Variants in PITPNC1 observed in about 807,000 individuals in gnomAD.
PITPNC1 encodes the protein cytoplasmic phosphatidylinositol transfer protein 1.
In PITPNC1, 18 loss-of-function variants were observed where a neutral mutation model predicts 44.7. That is an observed-to-expected ratio of 0.40 (90% CI 0.28 to 0.60). The LOEUF (loss-of-function observed/expected upper bound fraction) is 0.60, where lower values mean the gene tolerates loss of function less well. Among genes scored for constraint, PITPNC1 ranks in the 20% least tolerant of loss-of-function variants. PITPNC1 has a pLI of 0.39. For synonymous variants in PITPNC1, 141 were observed against 149.6 expected, an observed-to-expected ratio of 0.94 and a Z score of 0.42; for missense variants, 290 against 418.4, an observed-to-expected ratio of 0.69 and a Z score of 2.68.
intron 4 of PITPNC1, among the ~76,000 whole-genome samples, chr17:67,574,286 T>C (rs1163690586): frequency 6.6e-6 from 1 of 152,248 alleles, no homozygotes; most frequent in Non-Finnish European, 1.5e-5. Context: ...TCAGTGCTTT[T>C]CATTATATTA....
At chr17:67,617,769 G>A (rs1165877065) in intron 5 of PITPNC1, among the ~76,000 whole-genome samples, 1 of 152,104 alleles carries the variant, frequency 6.6e-6, no homozygotes, top group Non-Finnish European at 1.5e-5. Flanking sequence ...ATCCCCCTGT[G>A]TGAACTGCCC....
intron 1 of PITPNC1, among the ~76,000 whole-genome samples, chr17:67,399,764 A>C (rs2038279336): frequency 1.3e-5 from 2 of 152,132 alleles, no homozygotes; most frequent in Non-Finnish European, 2.9e-5. Flanking sequence ...ATTTTACTCT[A>C]CCTTTTCATT....
intron 5 of PITPNC1, among the ~76,000 whole-genome samples, chr17:67,631,606 G>A (rs1248568936): frequency 1.1e-4 from 9 of 78,310 alleles, no homozygotes; most frequent in African/African-American, 4.1e-4. Context: ...TCCAGCTTGG[G>A]CGAAAGAGTG....
intron 2 of PITPNC1, among the ~76,000 whole-genome samples, chr17:67,541,554 A>G (rs1203906651): frequency 2.6e-5 from 4 of 152,244 alleles, no homozygotes; most frequent in Non-Finnish European, 5.9e-5. Flanking sequence ...CTGAATCAAT[A>G]AAAGTAACGT....
At chr17:67,500,750 C>T (rs1598747288) in intron 1 of PITPNC1, among the ~76,000 whole-genome samples, 2 of 151,618 alleles carry the variant, frequency 1.3e-5, no homozygotes, top group East Asian at 1.9e-4. Context: ...GCCCATGGCT[C>T]ACGGCTCACT....
chr17:67,425,197 G>GCGCGCA lies in PITPNC1; in HGVS notation c.48+46996_48+46997insGCGCAC, dbSNP rs748898605. ...AAACAGCCATGTTGTGCGCGCGCAC[G>GCGCGCA]CACACGCACACACACACACACACAC... On this transcript the variant is annotated intron_variant, in intron 1 of 8. Coordinates refer to ENST00000581322, the MANE Select transcript of PITPNC1 (RefSeq NM_012417.4). Among the ~76,000 whole-genome samples the GCGCGCA allele has an allele frequency of 2.7e-4, 27 of 98,458 alleles. 2 individuals carry two copies. In the East Asian group the frequency reaches 3.0e-3, roughly 11 times the overall value. The allele number at this position is 98,458 out of a possible 152,430, so 64.6% of individuals were successfully genotyped here. A position where few individuals can be genotyped will look rare whatever the true frequency, so the allele number is the denominator to read the frequency against.
At chr17:67,599,556 G>C (rs1390092411) in intron 5 of PITPNC1, among the ~76,000 whole-genome samples, 1 of 152,134 alleles carries the variant, frequency 6.6e-6, no homozygotes, top group Non-Finnish European at 1.5e-5. Flanking sequence ...ATGCCTGGGA[G>C]TCACAAAGGC....
chr17:67,415,565 A>G (rs532069240), intron 1 of PITPNC1, among the ~76,000 whole-genome samples: 1 of 152,234 alleles, frequency 6.6e-6, no homozygotes, highest in South Asian at 2.1e-4. Flanking sequence ...CAAATGTACT[A>G]TGTAGTTAAC....
chr17:67,575,852 TTCTTTCCTTCC>T (rs2041138680), intron 4 of PITPNC1, among the ~76,000 whole-genome samples: 2 of 91,114 alleles, frequency 2.2e-5, no homozygotes, highest in Non-Finnish European at 4.1e-5. Flanking sequence ...CTTTCTTTCT[TTCTTTCCTTCC>T]TTCTTTCTTT....
chr17:67,575,170 G>A (rs1461823569), intron 4 of PITPNC1, among the ~76,000 whole-genome samples: 1 of 151,692 alleles, frequency 6.6e-6, no homozygotes, highest in African/African-American at 2.4e-5. Flanking sequence ...TGAATTATGG[G>A]ATAAAAAATA....
chr17:67,536,435 C>T (rs1255968421), intron 2 of PITPNC1, among the ~76,000 whole-genome samples: 1 of 152,078 alleles, frequency 6.6e-6, no homozygotes, highest in Non-Finnish European at 1.5e-5. Flanking sequence ...CCATGTTGGC[C>T]AGGCTGGTCT....
intron 1 of PITPNC1, among the ~76,000 whole-genome samples, chr17:67,378,681 C>T (rs2037909624): frequency 6.6e-6 from 1 of 152,156 alleles, no homozygotes; most frequent in Non-Finnish European, 1.5e-5. Context: ...GGAGGAACCT[C>T]TGAGCCCTTA....
intron 1 of PITPNC1, among the ~76,000 whole-genome samples, chr17:67,406,591 GT>G (rs35597011): frequency 2.6e-4 from 38 of 144,788 alleles, no homozygotes; most frequent in East Asian, 8.0e-4. Context: ...ATTATATATA[GT>G]TTTTTTTTTT....
chr17:67,424,085 CAAAA>C (rs71139144), intron 1 of PITPNC1, among the ~76,000 whole-genome samples: 76 of 76,090 alleles, frequency 1.0e-3, no homozygotes, highest in South Asian at 2.6e-3. Context: ...GAGACTGTCT[CAAAA>C]AAAAAAAAAA....
At chr17:67,641,783 A>AAATAATGAT (rs1555575887) in intron 6 of PITPNC1, among the ~76,000 whole-genome samples, 3 of 135,930 alleles carry the variant, frequency 2.2e-5, no homozygotes, top group African/African-American at 5.5e-5. Context: ...CCCTACCTCA[A>AAATAATGAT]AATAATAATA....
At chr17:67,480,118 C>T (rs961918741) in intron 1 of PITPNC1, among the ~76,000 whole-genome samples, 1 of 152,116 alleles carries the variant, frequency 6.6e-6, no homozygotes, top group Admixed American at 6.5e-5. Context: ...TGTCTAGGAG[C>T]GGGGGTCTGC....
intron 6 of PITPNC1, among the ~76,000 whole-genome samples, chr17:67,658,974 G>C (rs2042306838): frequency 6.6e-6 from 1 of 152,046 alleles, no homozygotes; most frequent in African/African-American, 2.4e-5. Flanking sequence ...AAGACAGATG[G>C]GGAAAGAAAC....
At chr17:67,393,963 G>A (rs149656529) in intron 1 of PITPNC1, among the ~76,000 whole-genome samples, 1 of 151,964 alleles carries the variant, frequency 6.6e-6, no homozygotes, top group African/African-American at 2.4e-5. Flanking sequence ...TCAGCCTCGC[G>A]AGTAGCTGAA....
At chr17:67,491,698 A>G (rs1470358284) in intron 1 of PITPNC1, among the ~76,000 whole-genome samples, 1 of 152,140 alleles carries the variant, frequency 6.6e-6, no homozygotes, top group Non-Finnish European at 1.5e-5. Context: ...TTACCTGGGC[A>G]TGGCATGCCT....
Sources: gnomAD v4.1 joint callset for allele counts (sites outside exome capture counted in the v4.1 genomes callset) on GRCh38, gnomAD v4.1.1 for gene constraint, MANE v1.5 for transcripts, NCBI Gene and HGNC (gene_info 2026-07-23, HGNC 2026-07-21) for gene names.